The following ASIC2 variants were observed in gnomAD, a reference collection of about 807,000 sequenced individuals.
ASIC2 encodes acid-sensing ion channel 2.
In ASIC2, 25 loss-of-function variants were observed where a neutral mutation model predicts 57.3. The observed-to-expected ratio is 0.44, with a 90% CI of 0.32 to 0.61. The LOEUF (loss-of-function observed/expected upper bound fraction) is 0.61. Ranked by LOEUF, ASIC2 falls within the 20% of genes least tolerant of loss-of-function variation. The pLI is 0.06. For missense variants in ASIC2, 641 were observed against 738.1 expected (o/e 0.87, Z 1.52); for synonymous variants, 319 against 307.5 (o/e 1.04, Z -0.39).
At chr17:33,902,789 T>C (rs1915259902) in intron 1 of ASIC2, among the ~76,000 whole-genome samples, 1 of 152,230 alleles carries the variant, frequency 6.6e-6, no homozygotes, top group South Asian at 2.1e-4. Flanking sequence ...GAAGACCCAA[T>C]TCTTCAAGAA....
At chr17:33,724,018 T>A (rs1289479628) in intron 1 of ASIC2, among the ~76,000 whole-genome samples, 1 of 152,154 alleles carries the variant, frequency 6.6e-6, no homozygotes, top group African/African-American at 2.4e-5. Flanking sequence ...ACAATTCCCA[T>A]GTGTCATGGG....
chr17:33,980,326 T>G (rs189262414), intron 1 of ASIC2, among the ~76,000 whole-genome samples: 4 of 152,260 alleles, frequency 2.6e-5, no homozygotes, highest in African/African-American at 9.6e-5. Context: ...GGGCTGGCCT[T>G]TGTGTCTCCA....
Position 33,575,506 on chromosome 17 carries a change from A to G in ASIC2, c.556-463439T>C, listed in dbSNP as rs186120447. 2.6e-4 allele frequency among the ~76,000 whole-genome samples: 39 copies of G among 152,326 alleles called. 1 individual carries two copies. Among genetic ancestry groups the G allele is most frequent in the Admixed American group, 2.5e-3 (39 of 15,300 alleles). On this transcript the variant is annotated intron_variant, in intron 1 of 9. Transcript: ENST00000359872. ...AACTCTCCTTCTTTGAAAGGTGAAG[A>G]AAGGAGCTCTGTGACAAGCTTGTGG... is the stretch of plus-strand genomic sequence containing the variant.
At chr17:33,600,419 G>A (rs372965863) in intron 1 of ASIC2, among the ~76,000 whole-genome samples, 4 of 152,282 alleles carry the variant, frequency 2.6e-5, no homozygotes, top group African/African-American at 9.6e-5. Context: ...CTGGTCTGTG[G>A]CATTCTGTTA....
At chr17:33,094,472 G>A (rs1327036096) in intron 2 of ASIC2, among the ~76,000 whole-genome samples, 1 of 152,104 alleles carries the variant, frequency 6.6e-6, no homozygotes, top group Non-Finnish European at 1.5e-5. Context: ...CCTTGCCCAT[G>A]CCTTTGTTAA....
chr17:33,072,297 T>A (rs186726453), intron 3 of ASIC2, among the ~76,000 whole-genome samples: 46 of 152,326 alleles, frequency 3.0e-4, no homozygotes, highest in African/African-American at 1.1e-3. Context: ...CTTGAATAAT[T>A]GTTTTTCATA....
At chr17:34,050,397 G>C (rs774764312) in intron 1 of ASIC2, among the ~76,000 whole-genome samples, 7 of 152,102 alleles carry the variant, frequency 4.6e-5, no homozygotes, top group Non-Finnish European at 1.0e-4. Flanking sequence ...GCTTCTCTGG[G>C]GGGTGGGGAG....
chr17:33,847,841 A>T (rs1163145061), intron 1 of ASIC2, among the ~76,000 whole-genome samples: 1 of 152,130 alleles, frequency 6.6e-6, no homozygotes, highest in African/African-American at 2.4e-5. Flanking sequence ...AGGAGGAAAA[A>T]AGAAGATCAA....
At chr17:33,665,399 T>C (rs1441095593) in intron 1 of ASIC2, among the ~76,000 whole-genome samples, 1 of 152,184 alleles carries the variant, frequency 6.6e-6, no homozygotes, top group African/African-American at 2.4e-5. Flanking sequence ...ATTTTACTTA[T>C]CGTTGGCACA....
intron 3 of ASIC2, among the ~76,000 whole-genome samples, chr17:33,057,303 C>T (rs970839197): frequency 6.6e-6 from 1 of 152,194 alleles, no homozygotes; most frequent in African/African-American, 2.4e-5. Flanking sequence ...TCTATACTAG[C>T]TTAGGAAAAC....
chr17:33,807,032 C>T (rs886258997), intron 1 of ASIC2, among the ~76,000 whole-genome samples: 1 of 152,200 alleles, frequency 6.6e-6, no homozygotes, highest in Non-Finnish European at 1.5e-5. Flanking sequence ...TCTGCTTTGT[C>T]ATTAGCTCGG....
intron 1 of ASIC2, among the ~76,000 whole-genome samples, chr17:33,890,756 A>G (rs1310990316): frequency 6.6e-6 from 1 of 152,040 alleles, no homozygotes; most frequent in African/African-American, 2.4e-5. Flanking sequence ...AGCTGCTTTC[A>G]CTCTCTGCAG....
At chr17:33,518,256 G>A (rs927060018) in intron 1 of ASIC2, among the ~76,000 whole-genome samples, 1 of 152,202 alleles carries the variant, frequency 6.6e-6, no homozygotes, top group African/African-American at 2.4e-5. Context: ...GATACCTCCA[G>A]GATGTGAGCT....
intron 1 of ASIC2, among the ~76,000 whole-genome samples, chr17:33,261,552 G>A (rs1336196589): frequency 6.6e-6 from 1 of 152,168 alleles, no homozygotes; most frequent in African/African-American, 2.4e-5. Flanking sequence ...ATGTGAGAAG[G>A]GGAGACAGTC....
chr17:33,883,535 C>T (rs1475752809), intron 1 of ASIC2, among the ~76,000 whole-genome samples: 1 of 152,192 alleles, frequency 6.6e-6, no homozygotes, highest in African/African-American at 2.4e-5. Context: ...GCAGCCTCAT[C>T]TAGTGCCCTG....
At chr17:33,385,086 A>G (rs1909625233) in intron 1 of ASIC2, among the ~76,000 whole-genome samples, 1 of 152,250 alleles carries the variant, frequency 6.6e-6, no homozygotes, top group Non-Finnish European at 1.5e-5. Context: ...GGGAATGATA[A>G]CAATACCTGC....
chr17:33,244,635 C>A (rs1303488252), intron 1 of ASIC2, among the ~76,000 whole-genome samples: 1 of 152,222 alleles, frequency 6.6e-6, no homozygotes, highest in Non-Finnish European at 1.5e-5. Context: ...AGCTGTCATT[C>A]CCTAAGAGTG....
chr17:33,452,738 GGTGTGTGTGTGTGT>G (rs35126239), intron 1 of ASIC2, among the ~76,000 whole-genome samples: 3 of 140,508 alleles, frequency 2.1e-5, no homozygotes, highest in Non-Finnish European at 4.6e-5. Flanking sequence ...AACAGAGTGG[GGTGTGTGTGTGTGT>G]GTGTGTGTGT....
chr17:33,823,738 C>T (rs1912820785), intron 1 of ASIC2, among the ~76,000 whole-genome samples: 1 of 152,226 alleles, frequency 6.6e-6, no homozygotes, highest in South Asian at 2.1e-4. Flanking sequence ...GAAGGCAGAT[C>T]TGGGTACTCC....
Sources: allele counts gnomAD v4.1 joint callset (sites outside exome capture counted in the v4.1 genomes callset), GRCh38; gene constraint gnomAD v4.1.1; transcripts MANE v1.5; gene names NCBI Gene and HGNC (gene_info 2026-07-23, HGNC 2026-07-21).